Variants in WWP2 observed in about 807,000 individuals in gnomAD.
WWP2 encodes the protein NEDD4-like E3 ubiquitin-protein ligase WWP2.
WWP2 carries 57 observed loss-of-function variants against 121.0 expected under a neutral mutation model. That is an observed-to-expected ratio of 0.47 (90% CI 0.38 to 0.59). WWP2 has a LOEUF of 0.59. Ranked by LOEUF, WWP2 falls within the 20% of genes least tolerant of loss-of-function variation. The pLI is 0.00. For missense variants in WWP2, 962 were observed against 1,158.9 expected, an observed-to-expected ratio of 0.83 and a Z score of 2.47; for synonymous variants, 449 against 441.3, an observed-to-expected ratio of 1.02 and a Z score of -0.22.
chr16:69,801,992 C>T (rs554639101), intron 4 of WWP2, among the ~76,000 whole-genome samples: 25 of 151,698 alleles, frequency 1.6e-4, no homozygotes, highest in South Asian at 4.2e-4. Context: ...TGCAGTGGCG[C>T]GATCTTGGCT....
chr16:69,778,191 TA>T (rs375492553), intron 1 of WWP2, among the ~76,000 whole-genome samples: 3,110 of 82,484 alleles, frequency 0.038, 58 homozygotes, highest in East Asian at 0.12. Context: ...TATATATATA[TA>T]TTTTTTTTTT....
chr16:69,804,641 T>C (rs961743715), intron 4 of WWP2, among the ~76,000 whole-genome samples: 6 of 152,190 alleles, frequency 3.9e-5, no homozygotes, highest in African/African-American at 2.4e-5. Context: ...GTCTTCATGC[T>C]TCTTTTCTTT....
chr16:69,831,214 C>T (rs1228228946), intron 4 of WWP2, among the ~76,000 whole-genome samples: 2 of 152,154 alleles, frequency 1.3e-5, no homozygotes, highest in Non-Finnish European at 2.9e-5. Context: ...TCTCAAATTT[C>T]CAGGTAAATC....
chr16:69,879,345 G>A (rs1044260649), intron 7 of WWP2, among the ~76,000 whole-genome samples: 3 of 151,978 alleles, frequency 2.0e-5, no homozygotes, highest in Admixed American at 6.6e-5. Context: ...CATCCCAAAC[G>A]GATTCTCTGT....
At chr16:69,820,940 G>A (rs1191534200) in intron 4 of WWP2, among the ~76,000 whole-genome samples, 4 of 152,270 alleles carry the variant, frequency 2.6e-5, no homozygotes, top group African/African-American at 4.8e-5. Context: ...GCCAGTGTCC[G>A]GCTCACCTCG....
At chr16:69,810,793 T>C (rs2056377186) in intron 4 of WWP2, among the ~76,000 whole-genome samples, 1 of 147,818 alleles carries the variant, frequency 6.8e-6, no homozygotes. Flanking sequence ...CTCGCTCTGT[T>C]GCCCAGACTG....
intron 1 of WWP2, chr16:69,774,660 C>T (rs1017496583): frequency 6.6e-6 from 1 of 152,166 alleles, no homozygotes; most frequent in African/African-American, 2.4e-5. Flanking sequence ...TGAGACCTTC[C>T]TGTTCATGCC....
intron 8 of WWP2, among the ~76,000 whole-genome samples, chr16:69,905,843 C>T (rs1315466547): frequency 1.3e-5 from 2 of 152,176 alleles, no homozygotes; most frequent in African/African-American, 4.8e-5. Context: ...AACTCATGGG[C>T]TTGGGGGGCA....
At chr16:69,792,896 G>A (rs1200863439) in intron 2 of WWP2, among the ~76,000 whole-genome samples, 2 of 152,088 alleles carry the variant, frequency 1.3e-5, no homozygotes, top group Non-Finnish European at 2.9e-5. Context: ...TTGCTGTGGT[G>A]CCCAGGCTTG....
chr16:69,846,812 G>T (rs2057090036), intron 6 of WWP2, among the ~76,000 whole-genome samples: 1 of 152,096 alleles, frequency 6.6e-6, no homozygotes, highest in Admixed American at 6.6e-5. Context: ...AATGAGAAAA[G>T]AGTACAGAGA....
chr16:69,929,927 G>A (rs1350798247), intron 12 of WWP2, among the ~76,000 whole-genome samples: 1 of 152,220 alleles, frequency 6.6e-6, no homozygotes, highest in Non-Finnish European at 1.5e-5. Flanking sequence ...ATGCAGGGCT[G>A]GGTTTTTGGC....
Position 69,798,607 on chromosome 16 carries a change from C to T in WWP2, c.71-75C>T, listed in dbSNP as rs1379054373. 5 of 1,485,232 alleles carry T rather than the reference C, an allele frequency of 3.4e-6. No individual in the cohort carries two copies. The African/African-American group carries it at 7.0e-5, about 21-fold the overall frequency. The allele number at this position is 1,485,232 out of a possible 1,614,324, so 92.0% of individuals were successfully genotyped here. Reference sequence around the variant, plus strand: ...TTTTTAAAGCAATAACTAAAAAGAGCCGGAACATCTGCCACAGGGGGGCAT... The same window carrying T: ...TTTTTAAAGCAATAACTAAAAAGAGTCGGAACATCTGCCACAGGGGGGCAT... On this transcript the variant is annotated intron_variant, in intron 2 of 23. Transcript: ENST00000359154.
chr16:69,779,416 TA>T (rs2055615892), intron 1 of WWP2, among the ~76,000 whole-genome samples: 1 of 152,228 alleles, frequency 6.6e-6, no homozygotes, highest in Non-Finnish European at 1.5e-5. Context: ...ACTGCAATTT[TA>T]AAAGACACTG....
chr16:69,821,379 C>T (rs2056589714), intron 4 of WWP2, among the ~76,000 whole-genome samples: 1 of 152,180 alleles, frequency 6.6e-6, no homozygotes, highest in Non-Finnish European at 1.5e-5. Context: ...AACACGGAGG[C>T]CCTGCAACGA....
intron 7 of WWP2, among the ~76,000 whole-genome samples, chr16:69,880,956 T>C (rs1256286389): frequency 6.6e-6 from 1 of 152,228 alleles, no homozygotes; most frequent in Non-Finnish European, 1.5e-5. Flanking sequence ...TCTCTAGGAT[T>C]AAGCAAAAGA....
At chr16:69,816,485 G>A (rs559517512) in intron 4 of WWP2, among the ~76,000 whole-genome samples, 3 of 147,780 alleles carry the variant, frequency 2.0e-5, no homozygotes, top group Admixed American at 6.8e-5. Context: ...CTTTATATAT[G>A]TAATATATAA....
At chr16:69,901,537 C>T (rs550509362) in intron 8 of WWP2, among the ~76,000 whole-genome samples, 3 of 152,112 alleles carry the variant, frequency 2.0e-5, no homozygotes, top group Admixed American at 1.3e-4. Flanking sequence ...TTCAGCCTCC[C>T]GAGTAGCTGG....
intron 1 of WWP2, among the ~76,000 whole-genome samples, chr16:69,772,975 G>A (rs902904851): frequency 6.6e-6 from 1 of 151,784 alleles, no homozygotes; most frequent in Non-Finnish European, 1.5e-5. Flanking sequence ...TCACCTTTTT[G>A]TATTGCTTCC....
At chr16:69,912,041 G>A (rs1195686679) in intron 9 of WWP2, among the ~76,000 whole-genome samples, 12 of 152,126 alleles carry the variant, frequency 7.9e-5, no homozygotes, top group Non-Finnish European at 1.8e-4. Context: ...TGTAATCCCA[G>A]CACTTTGGGA....
Sources: gnomAD v4.1 joint callset for allele counts (sites outside exome capture counted in the v4.1 genomes callset) on GRCh38, gnomAD v4.1.1 for gene constraint, MANE v1.5 for transcripts, NCBI Gene and HGNC (gene_info 2026-07-23, HGNC 2026-07-21) for gene names.